STARD13: variants seen among roughly 807,000 people sequenced by gnomAD.
STARD13 encodes stAR-related lipid transfer protein 13.
A neutral mutation model predicts 106.4 loss-of-function variants in STARD13; 62 were observed. The ratio of observed to expected loss-of-function variants is 0.58; its 90% CI spans 0.48 to 0.72. The LOEUF (loss-of-function observed/expected upper bound fraction) is 0.72. Ranked by LOEUF, STARD13 falls within the 30% of genes least tolerant of loss-of-function variation. STARD13 has a pLI of 0.00. For synonymous variants in STARD13, 565 were observed against 553.0 expected, an observed-to-expected ratio of 1.02 and a Z score of -0.31; for missense variants, 1,387 against 1,424.0, an observed-to-expected ratio of 0.97 and a Z score of 0.42.
the STARD13 span, among the ~76,000 whole-genome samples, chr13:33,497,584 C>T: frequency 1.3e-5 from 2 of 152,184 alleles, no homozygotes; most frequent in Non-Finnish European, 2.9e-5. Flanking sequence ...TTTCTCTCTC[C>T]TCTTCAATAT....
downstream of STARD13, among the ~76,000 whole-genome samples, chr13:33,345,810 C>T (rs145271082): frequency 9.2e-3 from 1,393 of 151,932 alleles, 31 homozygotes; most frequent in African/African-American, 0.032. Flanking sequence ...GTCACTGTGA[C>T]CTACGTTAAG....
the STARD13 span, among the ~76,000 whole-genome samples, chr13:33,434,674 C>A: frequency 6.6e-6 from 1 of 152,032 alleles, no homozygotes; most frequent in Non-Finnish European, 1.5e-5. Context: ...GGCCACAAAG[C>A]CACCAGATAA....
At chr13:33,237,490 G>A (rs1889250745) in intron 1 of STARD13, among the ~76,000 whole-genome samples, 1 of 152,098 alleles carries the variant, frequency 6.6e-6, no homozygotes, top group South Asian at 2.1e-4. Context: ...CCATTGACCT[G>A]TTTTGCAGTA....
chr13:33,475,312 G>C, the STARD13 span, among the ~76,000 whole-genome samples: 1 of 151,986 alleles, frequency 6.6e-6, no homozygotes, highest in Non-Finnish European at 1.5e-5. Context: ...TGCCAAAGAA[G>C]ATATGTTATT....
chr13:33,203,170 T>C (rs1293033570), intron 1 of STARD13, among the ~76,000 whole-genome samples: 26 of 151,936 alleles, frequency 1.7e-4, no homozygotes, highest in Non-Finnish European at 1.5e-5. Flanking sequence ...CTGCCATATT[T>C]CGAGATTCTA....
At chr13:33,623,427 G>GAAAA in the STARD13 span, among the ~76,000 whole-genome samples, 1 of 49,300 alleles carries the variant, frequency 2.0e-5, no homozygotes, top group Non-Finnish European at 6.8e-5. Flanking sequence ...CCTCAATAAA[G>GAAAA]TAAAAAAAAA....
the STARD13 span, among the ~76,000 whole-genome samples, chr13:33,550,022 T>C: frequency 1.3e-5 from 2 of 152,336 alleles, no homozygotes; most frequent in Admixed American, 6.5e-5. Context: ...ATTTATTCTT[T>C]ATTGATCCAA....
chr13:33,346,336 A>G (rs1038615537), downstream of STARD13, among the ~76,000 whole-genome samples: 1 of 152,196 alleles, frequency 6.6e-6, no homozygotes, highest in African/African-American at 2.4e-5. Context: ...AAACTCTAGG[A>G]TAATAACTGG....
At chr13:33,469,040 T>C in the STARD13 span, among the ~76,000 whole-genome samples, 4 of 152,220 alleles carry the variant, frequency 2.6e-5, no homozygotes, top group Admixed American at 6.5e-5. Context: ...AGTTGTGTTA[T>C]TGTATATTTG....
chr13:33,499,273 C>A, the STARD13 span, among the ~76,000 whole-genome samples: 2 of 152,176 alleles, frequency 1.3e-5, no homozygotes, highest in African/African-American at 4.8e-5. Flanking sequence ...GTGGGTTGAA[C>A]AAGTATATTA....
intron 1 of STARD13, among the ~76,000 whole-genome samples, chr13:33,223,424 C>T (rs1008649191): frequency 7.9e-5 from 12 of 152,122 alleles, no homozygotes; most frequent in Admixed American, 7.9e-4. Context: ...TTTGGGAGGC[C>T]GAGGTGGGTG....
intron 3 of STARD13, among the ~76,000 whole-genome samples, chr13:33,147,638 G>C (rs1395629447): frequency 6.6e-6 from 1 of 152,060 alleles, no homozygotes; most frequent in Non-Finnish European, 1.5e-5. Flanking sequence ...ATTTCAAGAG[G>C]TGCCATATTA....
chr13:33,543,884 A>T, the STARD13 span, among the ~76,000 whole-genome samples: 1 of 152,246 alleles, frequency 6.6e-6, no homozygotes, highest in Non-Finnish European at 1.5e-5. Context: ...GACAGACGGT[A>T]CTAAAATATA....
the STARD13 span, among the ~76,000 whole-genome samples, chr13:33,441,725 A>C: frequency 1.3e-5 from 2 of 152,236 alleles, no homozygotes; most frequent in Non-Finnish European, 2.9e-5. Context: ...TGATGCAGTT[A>C]AAGCTTTGTC....
At chr13:33,304,024 G>A (rs1269462831) in intron 1 of STARD13, among the ~76,000 whole-genome samples, 1 of 152,182 alleles carries the variant, frequency 6.6e-6, no homozygotes, top group East Asian at 1.9e-4. Context: ...AACAAGATTT[G>A]CAGATGACTT....
At chr13:33,386,696 T>C in the STARD13 span, among the ~76,000 whole-genome samples, 2 of 152,154 alleles carry the variant, frequency 1.3e-5, no homozygotes, top group Non-Finnish European at 2.9e-5. Context: ...TGCCTTTATG[T>C]TTCCAGAAGT....
chr13:33,504,873 C>T, the STARD13 span, among the ~76,000 whole-genome samples: 3 of 152,132 alleles, frequency 2.0e-5, no homozygotes, highest in Non-Finnish European at 4.4e-5. Context: ...TAAATTACAC[C>T]ACGAAGATGG....
intron 1 of STARD13, among the ~76,000 whole-genome samples, chr13:33,202,253 T>C (rs797191): frequency 0.42 from 63,947 of 152,102 alleles, 13,880 homozygotes; most frequent in Middle Eastern, 0.52. Flanking sequence ...AGGTTAATAG[T>C]TAATCTGCTG....
At chr13:33,641,180 T>G in the STARD13 span, among the ~76,000 whole-genome samples, 1 of 152,220 alleles carries the variant, frequency 6.6e-6, no homozygotes, top group South Asian at 2.1e-4. Context: ...GGCAGGACTC[T>G]CTCTAGAATA....
Sources: gnomAD v4.1 joint callset for allele counts (sites outside exome capture counted in the v4.1 genomes callset) on GRCh38, gnomAD v4.1.1 for gene constraint, MANE v1.5 for transcripts, NCBI Gene and HGNC (gene_info 2026-07-23, HGNC 2026-07-21) for gene names.